Variants in CFAP92 observed in about 807,000 individuals in gnomAD.
CFAP92 encodes the protein cilia and flagella associated protein 92 (putative), also known as uncharacterized protein CFAP92.
CFAP92 carries 86 observed loss-of-function variants against 106.3 expected under a neutral mutation model. That is an observed-to-expected ratio of 0.81 (90% CI 0.68 to 0.97). The LOEUF (loss-of-function observed/expected upper bound fraction) is 0.97. Ranked by LOEUF, CFAP92 falls within the 50% of genes least tolerant of loss-of-function variation. The pLI is 0.00. For missense variants in CFAP92, 1,204 were observed against 1,283.8 expected (o/e 0.94, Z 0.95); for synonymous variants, 477 against 506.4 (o/e 0.94, Z 0.78).
At chr3:128,920,198 G>A (rs1937152388) in intron 12 of CFAP92, among the ~76,000 whole-genome samples, 1 of 152,206 alleles carries the variant, frequency 6.6e-6, no homozygotes, top group Non-Finnish European at 1.5e-5. Flanking sequence ...GAGGTGAGGA[G>A]TTAGAGACCA....
chr3:128,929,325 T>C (rs1168501657), intron 12 of CFAP92, among the ~76,000 whole-genome samples: 1 of 152,198 alleles, frequency 6.6e-6, no homozygotes, highest in East Asian at 1.9e-4. Flanking sequence ...GATGTTAAGA[T>C]TGTGCAACTA....
intron 4 of CFAP92, 42 bp downstream of exon 4, chr3:128,987,574 A>C: frequency 6.4e-7 from 1 of 1,557,248 alleles, no homozygotes. Flanking sequence ...CTAGTGAGTA[A>C]GCCCCAGGCT....
chr3:128,945,243 T>TGACA lies in CFAP92; in HGVS notation c.2082_2085dup (p.Arg696CysfsTer114). Reference sequence around the variant, plus strand: ...GCTGACAGGATCTGCTGCAGGGTCCTGACAGGGTAGGAGTCCAGGCCGAGG... The same window carrying TGACA: ...GCTGACAGGATCTGCTGCAGGGTCCTGACAGACAGGGTAGGAGTCCAGGCCGAGG... On this transcript the variant is annotated frameshift_variant, in exon 10 of 16. Transcript: ENST00000645291. LOFTEE classifies it high-confidence loss of function. 1 of 1,536,146 alleles carries TGACA rather than the reference T, an allele frequency of 6.5e-7. No individual in the cohort carries two copies. Among genetic ancestry groups the TGACA allele is most frequent in the East Asian group, 2.4e-5 (1 of 40,914 alleles).
chr3:128,958,860 C>T (rs1025146145), intron 9 of CFAP92, among the ~76,000 whole-genome samples: 2 of 151,906 alleles, frequency 1.3e-5, no homozygotes, highest in African/African-American at 4.8e-5. Flanking sequence ...ATGATCACAC[C>T]ACTGCACTCC....
At chr3:128,938,310 A>C (rs1319183019) in intron 10 of CFAP92, among the ~76,000 whole-genome samples, 1 of 152,118 alleles carries the variant, frequency 6.6e-6, no homozygotes, top group Non-Finnish European at 1.5e-5. Flanking sequence ...TGGTCTACCT[A>C]GACTAGAGTT....
the CFAP92 span, among the ~76,000 whole-genome samples, chr3:129,018,308 G>C: frequency 8.6e-4 from 131 of 152,230 alleles, 2 homozygotes; most frequent in East Asian, 0.016. Flanking sequence ...GGCCAGTCCA[G>C]CTCCACCCTT....
At chr3:128,979,043 A>T (rs1388315164) in intron 4 of CFAP92, among the ~76,000 whole-genome samples, 2 of 152,368 alleles carry the variant, frequency 1.3e-5, no homozygotes, top group Admixed American at 6.5e-5. Context: ...AATTTTTGCA[A>T]CCTACTCATC....
chr3:128,980,086 A>G (rs1943432504), intron 4 of CFAP92, among the ~76,000 whole-genome samples: 1 of 151,682 alleles, frequency 6.6e-6, no homozygotes, highest in Non-Finnish European at 1.5e-5. Flanking sequence ...AAAATATATT[A>G]CAGGCTGGGC....
chr3:128,944,954 C>G, intron 10 of CFAP92, 117 bp downstream of exon 10: 1 of 916,768 alleles, frequency 1.1e-6, no homozygotes, highest in Non-Finnish European at 1.6e-6. Flanking sequence ...CAATGAACCC[C>G]GAAAGGAGAC....
chr3:128,994,113 C>CTTAATAAA (rs1944388326), upstream of CFAP92: 1 of 985,662 alleles, frequency 1.0e-6, no homozygotes, highest in Non-Finnish European at 1.2e-6. Context: ...GGGCCGCAGG[C>CTTAATAAA]CCAGCCACTC....
chr3:128,951,464 T>C (rs114154589), intron 9 of CFAP92, among the ~76,000 whole-genome samples: 322 of 152,264 alleles, frequency 2.1e-3, no homozygotes, highest in Non-Finnish European at 3.4e-3. Flanking sequence ...GACACACTTC[T>C]AGTTCTACTA....
chr3:128,976,740 T>C (rs1004341646), intron 6 of CFAP92, among the ~76,000 whole-genome samples: 6 of 152,226 alleles, frequency 3.9e-5, no homozygotes, highest in Admixed American at 3.9e-4. Flanking sequence ...GAGATAGTCA[T>C]ACCACCTCAC....
intron 4 of CFAP92, among the ~76,000 whole-genome samples, chr3:128,980,411 G>A (rs991536306): frequency 6.6e-6 from 1 of 151,434 alleles, no homozygotes. Flanking sequence ...TGAGCCTGTG[G>A]GTAATCATCT....
intron 15 of CFAP92, among the ~76,000 whole-genome samples, chr3:128,911,183 A>C (rs547933409): frequency 2.0e-5 from 3 of 152,036 alleles, no homozygotes; most frequent in Non-Finnish European, 4.4e-5. Flanking sequence ...CAGCCTCCCG[A>C]GTAGCTGGGA....
At position 128,910,098 on chromosome 3, in the gene CFAP92, G is replaced by A. The variant is rs2107664441; in HGVS notation, c.*201C>T. On this transcript the variant is annotated 3_prime_UTR_variant, in exon 16 of 16. Coordinates refer to ENST00000645291, the MANE Select transcript of CFAP92 (RefSeq NM_001394090.1). ...ACCTGTATGGCATGACGGCCGTGCT[G>A]TCGCGGGCCAGCCGCTCCATCCGCA... 3.1e-6 allele frequency: 5 copies of A among 1,613,792 alleles called. No homozygotes were observed. The highest frequency in any genetic ancestry group is 4.2e-6 in the Non-Finnish European group (5 of 1,179,992).
At chr3:128,964,543 A>T (rs896908027) in intron 9 of CFAP92, among the ~76,000 whole-genome samples, 117 of 152,238 alleles carry the variant, frequency 7.7e-4, no homozygotes, top group Middle Eastern at 6.8e-3. Context: ...CTGCCACTCT[A>T]AACTCTTGAA....
At chr3:128,939,282 G>A (rs767506210) in intron 10 of CFAP92, among the ~76,000 whole-genome samples, 1 of 152,060 alleles carries the variant, frequency 6.6e-6, no homozygotes, top group Non-Finnish European at 1.5e-5. Context: ...GGGATTACAG[G>A]TGTGCGCCAC....
rs541969468 is a variant in CFAP92, at chr3:128,979,784, C to T, written c.668-1599G>A. On this transcript the variant is annotated intron_variant, in intron 4 of 15. Transcript: ENST00000645291. ...GACCCAAGAAGGGGAACATCACACA[C>T]CGGGGCCTGTTGTGGGGTGGGGGGA... is the stretch of plus-strand genomic sequence containing the variant. Among the ~76,000 whole-genome samples the T allele has an allele frequency of 7.9e-5, 12 of 151,334 alleles. No individual in the cohort carries two copies. In the South Asian group the frequency reaches 2.5e-3, roughly 32 times the overall value.
rs559054712 is a variant in CFAP92, at chr3:129,002,130, G to T, written n.117+444C>A. 1.4e-5 allele frequency: 21 copies of T among 1,473,462 alleles called. 1 individual carries two copies. The South Asian group carries it at 2.6e-4, about 18-fold the overall frequency. 91.3% of individuals were successfully genotyped at this position (1,473,462 alleles called of 1,614,324 possible). ...CCGGCTGCCCCGCGGCGCTCTCAGC[G>T]AGCACATCGAGACGCAGATCCGCCT... is the stretch of plus-strand genomic sequence containing the variant. On this transcript the variant is annotated intron_variant and non_coding_transcript_variant, in intron 1 of 4. Transcript: ENST00000510149.
Sources: allele counts gnomAD v4.1 joint callset (sites outside exome capture counted in the v4.1 genomes callset), GRCh38; gene constraint gnomAD v4.1.1; transcripts MANE v1.5; gene names NCBI Gene and HGNC (gene_info 2026-07-23, HGNC 2026-07-21).